Variants in MFSD11 observed in about 807,000 individuals in gnomAD.
MFSD11 encodes UNC93-like protein MFSD11.
In MFSD11, 36 loss-of-function variants were observed where a neutral mutation model predicts 53.5. That is an observed-to-expected ratio of 0.67 (90% CI 0.52 to 0.89). MFSD11 has a LOEUF of 0.89. MFSD11 is among the 40% of genes least tolerant of loss of function. The probability of loss-of-function intolerance (pLI) is 0.00; values close to 1 mark genes in which losing one functional copy is unlikely to be tolerated. For synonymous variants in MFSD11, 186 were observed against 184.9 expected (o/e 1.01, Z -0.05); for missense variants, 530 against 543.9 (o/e 0.97, Z 0.25).
chr17:76,749,819 G>A (rs2144333867), intron 7 of MFSD11, among the ~76,000 whole-genome samples: 1 of 151,086 alleles, frequency 6.6e-6, no homozygotes, highest in African/African-American at 2.4e-5. Context: ...GAACCAGGGA[G>A]TTGGAGGTGG....
At chr17:76,740,010 C>CAA (rs757455563) in intron 2 of MFSD11, among the ~76,000 whole-genome samples, 1 of 130,436 alleles carries the variant, frequency 7.7e-6, no homozygotes, top group African/African-American at 2.8e-5. Flanking sequence ...ACTAAAAATA[C>CAA]AAAAAAAAAA....
chr17:76,760,874 A>G (rs946716490), intron 8 of MFSD11, among the ~76,000 whole-genome samples: 1 of 152,046 alleles, frequency 6.6e-6, no homozygotes, highest in Admixed American at 6.6e-5. Flanking sequence ...CATAATTCTC[A>G]ATATTATGGG....
At chr17:76,737,110 C>T, upstream of MFSD11, 1 of 1,609,066 alleles carries the variant, frequency 6.2e-7, no homozygotes, top group Non-Finnish European at 8.5e-7. Context: ...GGTTGTCCAC[C>T]TTGAGGGAGG....
chr17:76,761,401 C>G (rs530293496), intron 8 of MFSD11, among the ~76,000 whole-genome samples: 70 of 152,124 alleles, frequency 4.6e-4, no homozygotes, highest in African/African-American at 1.6e-3. Flanking sequence ...TAGTGAGATA[C>G]TGGAAATAAG....
At chr17:76,747,100 TTAA>T (rs2078621404) in intron 7 of MFSD11, among the ~76,000 whole-genome samples, 2 of 152,032 alleles carry the variant, frequency 1.3e-5, no homozygotes, top group Non-Finnish European at 2.9e-5. Flanking sequence ...GTCTTATTAT[TTAA>T]GAAATACATT....
chr17:76,741,104 T>C, intron 3 of MFSD11, 40 bp downstream of exon 3: 1 of 1,162,560 alleles, frequency 8.6e-7, no homozygotes, highest in Non-Finnish European at 1.3e-6. Flanking sequence ...TCAGAACACT[T>C]GTCAGGATCT....
chr17:76,744,744 A>G (rs1199859450), intron 7 of MFSD11, among the ~76,000 whole-genome samples: 3 of 152,182 alleles, frequency 2.0e-5, no homozygotes, highest in African/African-American at 7.2e-5. Flanking sequence ...AATTCCTTTC[A>G]TGTCTCCAGG....
chr17:76,751,390 A>T (rs936862308), intron 7 of MFSD11, among the ~76,000 whole-genome samples: 11 of 151,096 alleles, frequency 7.3e-5, no homozygotes, highest in Non-Finnish European at 1.5e-4. Flanking sequence ...ACATTGTCTT[A>T]AGAAAAAAAA....
In MFSD11 at chr17:76,752,272, G is replaced by A. The variant is rs2079118493; in HGVS notation, c.642-1775G>A. ...TAGGATGTACAATGATCTAATGTTA[G>A]GCACTTCCTTGACTTCATCAATCTT... On this transcript the variant is annotated intron_variant, in intron 7 of 12. Transcript: ENST00000685175. Among the ~76,000 whole-genome samples the A allele has an allele frequency of 2.0e-5, 3 of 152,180 alleles. No homozygotes were observed. The South Asian group carries it at 6.2e-4, about 32-fold the overall frequency.
the MFSD11 span, among the ~76,000 whole-genome samples, chr17:76,797,985 G>A: frequency 1.1e-4 from 17 of 152,002 alleles, no homozygotes; most frequent in Admixed American, 7.9e-4. Context: ...CTGGGCTCAC[G>A]TGATCCTCCC....
the MFSD11 span, among the ~76,000 whole-genome samples, chr17:76,792,694 T>A: frequency 1.3e-5 from 2 of 151,440 alleles, 1 homozygote; most frequent in South Asian, 4.1e-4. Flanking sequence ...TTAAGGCTGC[T>A]AATCAGCTCA....
chr17:76,780,521 T>G (rs944691036), downstream of MFSD11, among the ~76,000 whole-genome samples: 3 of 151,280 alleles, frequency 2.0e-5, no homozygotes, highest in African/African-American at 4.9e-5. Context: ...GTATGTGTTT[T>G]TTTTTTTTTT....
chr17:76,776,269 G>A lies in MFSD11; in HGVS notation c.1050-137G>A, dbSNP rs921743183. The A allele has an allele frequency of 1.6e-4, 141 of 874,734 alleles. 5 individuals are homozygous for A. In the South Asian group the frequency reaches 2.2e-3, roughly 13 times the overall value. 54.2% of individuals were successfully genotyped at this position (874,734 alleles called of 1,614,324 possible). On this transcript the variant is annotated intron_variant, in intron 11 of 12. Coordinates refer to ENST00000685175, the MANE Select transcript of MFSD11 (RefSeq NM_001242532.5). This position sits in a 1 kb window ranked among gnomAD's most constrained non-coding sequence, Gnocchi z 4.2. The stretch of plus-strand genomic sequence containing the variant: ...GCTGGGATTCCAGGTGTGAGCCACC[G>A]CACCAGCTTTGTCTTTATTTTTGTT...
chr17:76,743,834 C>CA (rs1214306309), intron 6 of MFSD11, among the ~76,000 whole-genome samples: 1 of 152,152 alleles, frequency 6.6e-6, no homozygotes, highest in Non-Finnish European at 1.5e-5. Context: ...AGGCTGGTCT[C>CA]AAACTCCTGA....
chr17:76,779,519 C>G (rs1266002017), downstream of MFSD11, among the ~76,000 whole-genome samples: 1 of 152,070 alleles, frequency 6.6e-6, no homozygotes, highest in Non-Finnish European at 1.5e-5. Flanking sequence ...GAGTCTCACT[C>G]TGTCGCCTAG....
At chr17:76,740,732 G>T (rs2077991382) in intron 2 of MFSD11, among the ~76,000 whole-genome samples, 1 of 152,154 alleles carries the variant, frequency 6.6e-6, no homozygotes, top group African/African-American at 2.4e-5. Context: ...AAAATGTATT[G>T]TAGGCAGACT....
chr17:76,736,785 T>C, upstream of MFSD11: 3 of 1,519,124 alleles, frequency 2.0e-6, no homozygotes, highest in Non-Finnish European at 2.6e-6. Flanking sequence ...CGCGGTCCCC[T>C]CAGCCCCGTT....
At chr17:76,742,776 T>G (rs1304784969) in intron 5 of MFSD11, among the ~76,000 whole-genome samples, 1 of 152,120 alleles carries the variant, frequency 6.6e-6, no homozygotes, top group East Asian at 1.9e-4. Flanking sequence ...AGTGTTGGGA[T>G]TACAGGCGTG....
At chr17:76,796,323 A>T in the MFSD11 span, among the ~76,000 whole-genome samples, 1 of 152,018 alleles carries the variant, frequency 6.6e-6, no homozygotes, top group South Asian at 2.1e-4. Context: ...ACTGAATCAC[A>T]CCTCATCTTG....
Sources: allele counts gnomAD v4.1 joint callset (sites outside exome capture counted in the v4.1 genomes callset), GRCh38; gene constraint gnomAD v4.1.1; non-coding constraint Gnocchi (gnomAD v3.1); transcripts MANE v1.5; gene names NCBI Gene and HGNC (gene_info 2026-07-23, HGNC 2026-07-21).